The following DOCK10 variants were observed in gnomAD, a reference collection of about 807,000 sequenced individuals.
The protein encoded by DOCK10 is dedicator of cytokinesis 10, also known as dedicator of cytokinesis protein 10.
In DOCK10, 145 loss-of-function variants were observed where a neutral mutation model predicts 280.1. That is an observed-to-expected ratio of 0.52 (90% CI 0.45 to 0.59). DOCK10 has a LOEUF of 0.59. DOCK10 is among the 20% of genes least tolerant of loss of function. DOCK10 has a pLI of 0.00. For synonymous variants in DOCK10, 915 were observed against 942.2 expected, an observed-to-expected ratio of 0.97 and a Z score of 0.53; for missense variants, 2,368 against 2,651.7, an observed-to-expected ratio of 0.89 and a Z score of 2.35.
chr2:224,992,941 G>C (rs1706168327), intron 1 of DOCK10, among the ~76,000 whole-genome samples: 1 of 152,214 alleles, frequency 6.6e-6, no homozygotes, highest in Non-Finnish European at 1.5e-5. Flanking sequence ...GAAGATAGGA[G>C]TTGTTGCTGG....
intron 27 of DOCK10, among the ~76,000 whole-genome samples, chr2:224,825,193 T>G (rs1213481174): frequency 6.6e-6 from 1 of 152,100 alleles, no homozygotes; most frequent in Non-Finnish European, 1.5e-5. Flanking sequence ...TTGGCCAGGC[T>G]GGTCTTAAAC....
intron 29 of DOCK10, among the ~76,000 whole-genome samples, chr2:224,818,317 CAA>C (rs1210609440): frequency 6.6e-6 from 1 of 151,562 alleles, no homozygotes; most frequent in Non-Finnish European, 1.5e-5. Flanking sequence ...AATTGCCTAA[CAA>C]TGCTTTTCTC....
chr2:224,891,412 C>T (rs1475020008), intron 4 of DOCK10, among the ~76,000 whole-genome samples: 1 of 151,964 alleles, frequency 6.6e-6, no homozygotes, highest in African/African-American at 2.4e-5. Context: ...AGTGATTTTT[C>T]CCTGATATTT....
chr2:224,890,126 A>G (rs997387918), intron 4 of DOCK10, among the ~76,000 whole-genome samples: 2 of 152,224 alleles, frequency 1.3e-5, no homozygotes, highest in Non-Finnish European at 2.9e-5. Context: ...GTCATTTCCC[A>G]TCAGTTTCAT....
intron 18 of DOCK10, among the ~76,000 whole-genome samples, chr2:224,850,548 C>T (rs1696662581): frequency 6.6e-6 from 1 of 152,172 alleles, no homozygotes; most frequent in Non-Finnish European, 1.5e-5. Context: ...TCTTGATTTA[C>T]ATGGAATAAG....
intron 50 of DOCK10, among the ~76,000 whole-genome samples, chr2:224,784,548 C>T (rs1691598240): frequency 6.6e-6 from 1 of 152,214 alleles, no homozygotes; most frequent in Admixed American, 6.5e-5. Context: ...ATTCAGATAA[C>T]TGGCATAAAC....
chr2:224,850,422 TAACTCTTCAGTTACCAACCCCAG>T (rs993830389), intron 18 of DOCK10, among the ~76,000 whole-genome samples: 2 of 152,148 alleles, frequency 1.3e-5, no homozygotes, highest in African/African-American at 4.8e-5. Context: ...TAAAAGGCCA[TAACTCTTCAGTTACCAACCCCAG>T]GAAAATAACA....
intron 1 of DOCK10, among the ~76,000 whole-genome samples, chr2:224,955,417 G>T (rs1703981134): frequency 6.6e-6 from 1 of 152,162 alleles, no homozygotes; most frequent in Non-Finnish European, 1.5e-5. Context: ...GAAACTAATT[G>T]TCATGTAAAT....
rs1225344317 is a variant in DOCK10, at chr2:224,805,139, C to T, written c.4052-15G>A. 1 of 1,609,006 alleles carries T rather than the reference C, an allele frequency of 6.2e-7. No individual in the cohort carries two copies. Among genetic ancestry groups the T allele is most frequent in the Non-Finnish European group, 8.5e-7 (1 of 1,178,216 alleles). Reference sequence around the variant, plus strand: ...AATCAGAGTCTCTAAAAGGAAACACCAGGTAGTATGAGAATCTGAAGGTTT... The same window carrying T: ...AATCAGAGTCTCTAAAAGGAAACACTAGGTAGTATGAGAATCTGAAGGTTT... On this transcript the variant is annotated splice_polypyrimidine_tract_variant and intron_variant, in intron 36 of 55. Transcript: ENST00000258390. This position sits in a 1 kb window ranked among gnomAD's most constrained non-coding sequence, Gnocchi z 4.3.
chr2:224,932,770 A>C (rs1702467341), intron 1 of DOCK10, among the ~76,000 whole-genome samples: 1 of 152,178 alleles, frequency 6.6e-6, no homozygotes, highest in South Asian at 2.1e-4. Flanking sequence ...AAGTACACAG[A>C]GTTAGCTTTG....
chr2:224,883,101 G>T (rs1699066816), intron 7 of DOCK10, among the ~76,000 whole-genome samples: 1 of 152,172 alleles, frequency 6.6e-6, no homozygotes, highest in Non-Finnish European at 1.5e-5. Flanking sequence ...ATCTACCTTG[G>T]GGAATATTAT....
chr2:224,850,273 T>A (rs1005257299), intron 18 of DOCK10, among the ~76,000 whole-genome samples: 1 of 152,194 alleles, frequency 6.6e-6, no homozygotes, highest in Non-Finnish European at 1.5e-5. Context: ...CTTTCACTAT[T>A]TTCTGAGTCA....
intron 55 of DOCK10, among the ~76,000 whole-genome samples, chr2:224,766,914 C>A (rs745598128): frequency 2.0e-5 from 3 of 152,210 alleles, no homozygotes; most frequent in Non-Finnish European, 4.4e-5. Context: ...CCATTTTACA[C>A]AGTAGCATCC....
In DOCK10 at chr2:224,837,843, A is replaced by G. The variant is rs1337365170; in HGVS notation, c.2781-12T>C. ...TGTCGGTCAGAACCCTGCAAAAGCA[A>G]AGCTGTTCAGTGGCCTTTCTGGAGA... On this transcript the variant is annotated splice_polypyrimidine_tract_variant and intron_variant, in intron 24 of 55. Transcript: ENST00000258390. 2 of 1,613,298 alleles carry G rather than the reference A, an allele frequency of 1.2e-6. No individual in the cohort carries two copies. The highest frequency in any genetic ancestry group is 1.7e-6 in the Non-Finnish European group (2 of 1,179,378).
chr2:224,877,416 A>G (rs1416559023), intron 7 of DOCK10, among the ~76,000 whole-genome samples: 2 of 103,024 alleles, frequency 1.9e-5, no homozygotes, highest in African/African-American at 2.9e-5. Flanking sequence ...TATTTTATGA[A>G]TGGAACATAA....
intron 42 of DOCK10, among the ~76,000 whole-genome samples, chr2:224,797,352 C>T (rs1692653784): frequency 6.8e-6 from 1 of 147,952 alleles, no homozygotes; most frequent in African/African-American, 2.5e-5. Flanking sequence ...TAGAATTATT[C>T]TCTACATTGT....
At chr2:224,791,584 C>T (rs972672113) in intron 47 of DOCK10, among the ~76,000 whole-genome samples, 1 of 151,900 alleles carries the variant, frequency 6.6e-6, no homozygotes, top group Non-Finnish European at 1.5e-5. Flanking sequence ...CTGCCTCAGC[C>T]TCCTGAGTAG....
At chr2:224,955,056 C>A (rs73081869) in intron 1 of DOCK10, among the ~76,000 whole-genome samples, 3,974 of 152,276 alleles carry the variant, frequency 0.026, 163 homozygotes, top group African/African-American at 0.09. Flanking sequence ...TTGGAGCCTA[C>A]TCCAGCTTCC....
Position 225,042,194 on chromosome 2 carries a change from C to T in DOCK10, c.123+58G>A. The T allele has an allele frequency of 8.2e-7, 1 of 1,224,846 alleles. No homozygotes were observed. Among genetic ancestry groups the T allele is most frequent in the Non-Finnish European group, 1.0e-6 (1 of 983,434 alleles). 75.9% of individuals were successfully genotyped at this position (1,224,846 alleles called of 1,614,324 possible). On this transcript the variant is annotated intron_variant, in intron 1 of 55. Coordinates refer to ENST00000258390, the MANE Select transcript of DOCK10 (RefSeq NM_014689.3). This position sits in a 1 kb window ranked among gnomAD's most constrained non-coding sequence, Gnocchi z 5.1. Reference sequence around the variant, plus strand: ...GCCGAGCTTTTGGGGAAGCTGGGCTCCGTTCCCCCCGGGCGCCTGGGGCGC... The same window carrying T: ...GCCGAGCTTTTGGGGAAGCTGGGCTTCGTTCCCCCCGGGCGCCTGGGGCGC...
Sources: gnomAD v4.1 joint callset for allele counts (sites outside exome capture counted in the v4.1 genomes callset) on GRCh38, gnomAD v4.1.1 for gene constraint, Gnocchi (gnomAD v3.1) non-coding constraint, MANE v1.5 for transcripts, NCBI Gene and HGNC (gene_info 2026-07-23, HGNC 2026-07-21) for gene names.